The following SPTLC3 variants were observed in gnomAD, a reference collection of about 807,000 sequenced individuals.
SPTLC3 encodes the protein serine palmitoyltransferase 3.
Under a neutral mutation model 59.3 loss-of-function variants are expected in SPTLC3, and 36 were observed. The observed-to-expected ratio is 0.61, with a 90% CI of 0.47 to 0.80. The LOEUF (loss-of-function observed/expected upper bound fraction) is 0.80. Among genes scored for constraint, SPTLC3 ranks in the 30% least tolerant of loss-of-function variants. The pLI is 0.00. For synonymous variants in SPTLC3, 257 were observed against 240.8 expected (o/e 1.07, Z -0.62); for missense variants, 625 against 685.1 (o/e 0.91, Z 0.98).
chr20:13,063,669 T>TTTATTTATTTA (rs1568584443), intron 2 of SPTLC3, among the ~76,000 whole-genome samples: 1 of 90,772 alleles, frequency 1.1e-5, no homozygotes, highest in Non-Finnish European at 2.3e-5. Context: ...TTATTTATTT[T>TTTATTTATTTA]TTGAGACAGG....
intron 1 of SPTLC3, among the ~76,000 whole-genome samples, chr20:13,023,524 C>G (rs1477428462): frequency 2.0e-5 from 3 of 152,112 alleles, no homozygotes; most frequent in Non-Finnish European, 2.9e-5. Flanking sequence ...TGCAAGAACT[C>G]CCATTTAACA....
At chr20:13,141,664 A>G (rs1167379629) in intron 9 of SPTLC3, among the ~76,000 whole-genome samples, 1 of 152,236 alleles carries the variant, frequency 6.6e-6, no homozygotes, top group Non-Finnish European at 1.5e-5. Context: ...ATTTCTAAAT[A>G]CATTTGCCAC....
intron 9 of SPTLC3, among the ~76,000 whole-genome samples, chr20:13,152,511 C>T (rs571644279): frequency 4.6e-5 from 7 of 152,282 alleles, no homozygotes; most frequent in East Asian, 1.9e-4. Flanking sequence ...CAGTGTCCTG[C>T]GCAGTGGCTT....
intron 9 of SPTLC3, 68 bp downstream of exon 9, chr20:13,126,785 C>G: frequency 6.3e-7 from 1 of 1,578,192 alleles, no homozygotes; most frequent in South Asian, 1.2e-5. Flanking sequence ...TTAATCTCCC[C>G]GCTTCTCAAA....
At chr20:13,149,147 A>G (rs908580862) in intron 9 of SPTLC3, among the ~76,000 whole-genome samples, 1 of 152,236 alleles carries the variant, frequency 6.6e-6, no homozygotes, top group Non-Finnish European at 1.5e-5. Flanking sequence ...AGAGGGCTAC[A>G]TAAGAGATTA....
At chr20:13,062,811 T>TA (rs1988025030) in intron 2 of SPTLC3, among the ~76,000 whole-genome samples, 1 of 152,234 alleles carries the variant, frequency 6.6e-6, no homozygotes, top group South Asian at 2.1e-4. Context: ...TTCCTTTTAA[T>TA]AGCTGCACGA....
intron 9 of SPTLC3, among the ~76,000 whole-genome samples, chr20:13,148,703 C>T (rs981117515): frequency 5.3e-5 from 8 of 152,276 alleles, no homozygotes; most frequent in African/African-American, 1.4e-4. Flanking sequence ...CTGAGACATC[C>T]CAGTCTGCTT....
At chr20:13,057,597 AC>A (rs1987781103) in intron 2 of SPTLC3, among the ~76,000 whole-genome samples, 2 of 152,194 alleles carry the variant, frequency 1.3e-5, no homozygotes, top group African/African-American at 2.4e-5. Flanking sequence ...TATCTGAATC[AC>A]TTGAGTATTA....
intron 3 of SPTLC3, among the ~76,000 whole-genome samples, chr20:13,073,226 T>G (rs879445434): frequency 1.3e-5 from 2 of 152,114 alleles, no homozygotes; most frequent in Admixed American, 6.6e-5. Flanking sequence ...TTTTCTAGCC[T>G]CTGGTAACAA....
At chr20:13,099,727 GCT>G (rs1425014208) in intron 6 of SPTLC3, among the ~76,000 whole-genome samples, 1 of 152,130 alleles carries the variant, frequency 6.6e-6, no homozygotes, top group Non-Finnish European at 1.5e-5. Context: ...GATGCTGCTG[GCT>G]CTGTTTCTTG....
intron 2 of SPTLC3, among the ~76,000 whole-genome samples, chr20:13,057,571 C>T (rs1423415694): frequency 1.3e-5 from 2 of 152,126 alleles, no homozygotes; most frequent in Admixed American, 1.3e-4. Flanking sequence ...AACATAAAGG[C>T]TCTGATCATC....
At chr20:13,058,330 G>A (rs1987809734) in intron 2 of SPTLC3, among the ~76,000 whole-genome samples, 1 of 152,160 alleles carries the variant, frequency 6.6e-6, no homozygotes, top group Admixed American at 6.5e-5. Context: ...GTCCAAAACA[G>A]ACAGCCCAGG....
rs1023939047 is a variant in SPTLC3, at chr20:13,141,418, ATCT to A, written c.1280-12581_1280-12579del. On this transcript the variant is annotated intron_variant, in intron 9 of 11. Coordinates refer to ENST00000399002, the MANE Select transcript of SPTLC3 (RefSeq NM_018327.4). ...ATAATTCACACTTGGTTTAAAAAAA[ATCT>A]TCTCACATTTCTCAGTGTCTACCTT... 1.3e-4 allele frequency among the ~76,000 whole-genome samples: 20 copies of A among 152,346 alleles called. No homozygotes were observed. In the East Asian group the frequency reaches 3.1e-3, roughly 24 times the overall value.
At chr20:13,029,539 A>G (rs2122423585) in intron 1 of SPTLC3, among the ~76,000 whole-genome samples, 1 of 152,276 alleles carries the variant, frequency 6.6e-6, no homozygotes, top group Non-Finnish European at 1.5e-5. Context: ...AATTAATCAG[A>G]TAATTATAAT....
At chr20:13,036,527 T>C (rs6033584) in intron 1 of SPTLC3, among the ~76,000 whole-genome samples, 21,338 of 152,132 alleles carry the variant, frequency 0.14, 2,244 homozygotes, top group African/African-American at 0.3. Flanking sequence ...ATAATATAAA[T>C]AACATACAAA....
intron 1 of SPTLC3, among the ~76,000 whole-genome samples, chr20:13,021,657 G>T (rs564553242): frequency 9.5e-5 from 14 of 148,082 alleles, no homozygotes; most frequent in African/African-American, 3.5e-4. Flanking sequence ...CTTAGATTGT[G>T]TGGTCCAACT....
At chr20:13,131,019 G>A (rs373573743) in intron 9 of SPTLC3, among the ~76,000 whole-genome samples, 206 of 152,290 alleles carry the variant, frequency 1.4e-3, no homozygotes, top group African/African-American at 4.7e-3. Flanking sequence ...ATCACTCAGT[G>A]ATTGAAGTTA....
At chr20:13,065,768 T>C (rs1267898323) in intron 2 of SPTLC3, among the ~76,000 whole-genome samples, 1 of 151,612 alleles carries the variant, frequency 6.6e-6, no homozygotes, top group Admixed American at 6.6e-5. Flanking sequence ...TTACTTCTCC[T>C]TTTTTAAAAA....
intron 4 of SPTLC3, among the ~76,000 whole-genome samples, chr20:13,075,155 T>G (rs920438971): frequency 6.7e-5 from 10 of 148,280 alleles, no homozygotes; most frequent in African/African-American, 2.0e-4. Context: ...AAAAAACCTG[T>G]GTAGGCAACA....
Sources: allele counts gnomAD v4.1 joint callset (sites outside exome capture counted in the v4.1 genomes callset), GRCh38; gene constraint gnomAD v4.1.1; transcripts MANE v1.5; gene names NCBI Gene and HGNC (gene_info 2026-07-23, HGNC 2026-07-21).